PRDM5: variants seen among roughly 807,000 people sequenced by gnomAD.
The protein encoded by PRDM5 is PR/SET domain 5.
A neutral mutation model predicts 81.2 loss-of-function variants in PRDM5; 56 were observed. The observed-to-expected ratio is 0.69, with a 90% CI of 0.56 to 0.86. PRDM5 has a LOEUF of 0.86. Among genes scored for constraint, PRDM5 ranks in the 40% least tolerant of loss-of-function variants. The pLI, the probability that PRDM5 is intolerant of heterozygous loss-of-function variation, is 0.00. For missense variants in PRDM5, 697 were observed against 770.1 expected (o/e 0.91, Z 1.12); for synonymous variants, 267 against 256.4 (o/e 1.04, Z -0.39).
At chr4:120,758,189 C>T (rs928651449) in intron 13 of PRDM5, among the ~76,000 whole-genome samples, 3 of 152,094 alleles carry the variant, frequency 2.0e-5, no homozygotes, top group African/African-American at 7.2e-5. Context: ...ACTGTGTAAG[C>T]CAATTCCCAT....
chr4:120,830,869 T>C (rs1299524096), intron 3 of PRDM5, among the ~76,000 whole-genome samples: 1 of 151,992 alleles, frequency 6.6e-6, no homozygotes, highest in East Asian at 1.9e-4. Flanking sequence ...AAGCAAAGAA[T>C]ATCAATCACA....
chr4:120,826,647 C>T (rs1040725719), intron 3 of PRDM5, among the ~76,000 whole-genome samples: 4 of 152,112 alleles, frequency 2.6e-5, no homozygotes, highest in Non-Finnish European at 4.4e-5. Flanking sequence ...TAATAAAAAG[C>T]TTACTCAGCT....
In PRDM5 at chr4:120,784,989, G is replaced by A. The variant is rs79915407; in HGVS notation, c.1282+9C>T. 3.5e-4 allele frequency: 544 copies of A among 1,572,740 alleles called. 5 individuals are homozygous for A. In the East Asian group the frequency reaches 6.4e-3, roughly 18 times the overall value. On this transcript the variant is annotated intron_variant, in intron 11 of 15. Transcript: ENST00000264808. ...CCTTATATTCTCAACTGCCTGAATC[G>A]TGACTTACTGTTATGTATTAGCAGG...
At chr4:120,745,921 G>A (rs1742923036) in intron 14 of PRDM5, among the ~76,000 whole-genome samples, 1 of 149,374 alleles carries the variant, frequency 6.7e-6, no homozygotes, top group Non-Finnish European at 1.5e-5. Context: ...TCACAGAATT[G>A]GAAAAAACTA....
chr4:120,868,613 T>G (rs1561545331), intron 2 of PRDM5, among the ~76,000 whole-genome samples: 1 of 152,142 alleles, frequency 6.6e-6, no homozygotes, highest in Non-Finnish European at 1.5e-5. Flanking sequence ...CTTGCAATGG[T>G]AACAAGGAAA....
intron 7 of PRDM5, 66 bp downstream of exon 7, chr4:120,816,387 A>T: frequency 6.2e-7 from 1 of 1,613,214 alleles, no homozygotes; most frequent in Non-Finnish European, 8.5e-7. Context: ...GCGAGAATTA[A>T]AAACAGATCG....
chr4:120,830,512 G>C (rs1298909288), intron 3 of PRDM5, among the ~76,000 whole-genome samples: 1 of 152,056 alleles, frequency 6.6e-6, no homozygotes, highest in African/African-American at 2.4e-5. Context: ...ACCACTAAGA[G>C]TTTAGGGTTG....
intron 14 of PRDM5, among the ~76,000 whole-genome samples, chr4:120,741,798 T>C (rs1477084348): frequency 3.3e-5 from 5 of 152,040 alleles, no homozygotes; most frequent in Non-Finnish European, 7.4e-5. Context: ...GTCTCGCTGA[T>C]TGCTAGCACA....
intron 7 of PRDM5, among the ~76,000 whole-genome samples, chr4:120,815,384 G>A (rs1389670424): frequency 1.3e-5 from 2 of 152,170 alleles, no homozygotes; most frequent in Non-Finnish European, 2.9e-5. Flanking sequence ...CCAAGCTGGA[G>A]GTGCATTTCA....
chr4:120,696,865 C>A (rs999866502), intron 15 of PRDM5, among the ~76,000 whole-genome samples: 1 of 152,072 alleles, frequency 6.6e-6, no homozygotes, highest in East Asian at 1.9e-4. Context: ...CAAATAATTT[C>A]CCAAAACAAT....
At chr4:120,687,275 C>T (rs1478083984), downstream of PRDM5, among the ~76,000 whole-genome samples, 2 of 151,922 alleles carry the variant, frequency 1.3e-5, no homozygotes, top group Admixed American at 6.6e-5. Context: ...AAACCCTATA[C>T]CCATTTAACA....
intron 10 of PRDM5, among the ~76,000 whole-genome samples, chr4:120,793,552 A>G (rs1445468254): frequency 2.0e-5 from 3 of 152,234 alleles, no homozygotes; most frequent in Non-Finnish European, 2.9e-5. Context: ...GCTGGGGACC[A>G]CTGTAGTATA....
chr4:120,916,386 CATAAATAAATAAATAAATAA>C (rs5861497), intron 1 of PRDM5, among the ~76,000 whole-genome samples: 4 of 146,960 alleles, frequency 2.7e-5, no homozygotes, highest in African/African-American at 7.6e-5. Context: ...GACTGTATCT[CATAAATAAATAAATAAATAA>C]ATAAATAAAT....
intron 1 of PRDM5, among the ~76,000 whole-genome samples, chr4:120,909,157 G>A (rs976645809): frequency 3.3e-5 from 5 of 152,160 alleles, no homozygotes; most frequent in African/African-American, 9.7e-5. Flanking sequence ...ATCAGGTGGC[G>A]ATGATTAGAC....
chr4:120,878,100 AAACT>A (rs1443183300), intron 2 of PRDM5, among the ~76,000 whole-genome samples: 1 of 152,202 alleles, frequency 6.6e-6, no homozygotes, highest in African/African-American at 2.4e-5. Flanking sequence ...TTTTGAGCAG[AAACT>A]AACTGCTATA....
chr4:120,815,812 G>A (rs1754416709), intron 7 of PRDM5, among the ~76,000 whole-genome samples: 1 of 152,152 alleles, frequency 6.6e-6, no homozygotes, highest in African/African-American at 2.4e-5. Context: ...AGACAATACA[G>A]CCATCTGTTC....
chr4:120,686,320 G>T (rs185872415), intron 1 of PRDM5, among the ~76,000 whole-genome samples: 35 of 152,128 alleles, frequency 2.3e-4, no homozygotes, highest in African/African-American at 7.5e-4. Flanking sequence ...GGAATAGAGA[G>T]AATTGTGGAC....
At chr4:120,802,050 T>A (rs927489417) in intron 8 of PRDM5, among the ~76,000 whole-genome samples, 1 of 152,200 alleles carries the variant, frequency 6.6e-6, no homozygotes, top group African/African-American at 2.4e-5. Context: ...AAATGAAACA[T>A]TGTTCATTTG....
At chr4:120,713,604 G>C (rs1737324472) in intron 14 of PRDM5, among the ~76,000 whole-genome samples, 1 of 151,962 alleles carries the variant, frequency 6.6e-6, no homozygotes, top group Admixed American at 6.6e-5. Flanking sequence ...TCCTTTTAAT[G>C]GTTATCCTTA....
Sources: allele counts gnomAD v4.1 joint callset (sites outside exome capture counted in the v4.1 genomes callset), GRCh38; gene constraint gnomAD v4.1.1; transcripts MANE v1.5; gene names NCBI Gene and HGNC (gene_info 2026-07-23, HGNC 2026-07-21).